The following SLC27A6 variants were observed in gnomAD, a reference collection of about 807,000 sequenced individuals.
The protein encoded by SLC27A6 is solute carrier family 27 member 6, also known as long-chain fatty acid transport protein 6.
In SLC27A6, 74 loss-of-function variants were observed where a neutral mutation model predicts 63.9. The observed-to-expected ratio is 1.16, with a 90% CI of 0.96 to 1.40. The LOEUF (loss-of-function observed/expected upper bound fraction) is 1.40. Ranked by LOEUF, SLC27A6 falls within the 40% of genes most tolerant of loss-of-function variation. SLC27A6 has a pLI of 0.00. For synonymous variants in SLC27A6, 287 were observed against 260.8 expected (o/e 1.10, Z -0.97); for missense variants, 794 against 732.9 (o/e 1.08, Z -0.96).
intron 1 of SLC27A6, among the ~76,000 whole-genome samples, chr5:128,969,174 G>C (rs1580695457): frequency 6.6e-6 from 1 of 152,304 alleles, no homozygotes; most frequent in East Asian, 1.9e-4. Flanking sequence ...TAGCCCTGTA[G>C]TATAGTTTGA....
At chr5:129,000,362 T>G (rs1452170300) in intron 4 of SLC27A6, among the ~76,000 whole-genome samples, 1 of 152,198 alleles carries the variant, frequency 6.6e-6, no homozygotes, top group Non-Finnish European at 1.5e-5. Context: ...CCTAGAATGG[T>G]GCCTGACACA....
chr5:129,008,382 G>C (rs1048871545), intron 4 of SLC27A6, among the ~76,000 whole-genome samples: 2 of 152,162 alleles, frequency 1.3e-5, no homozygotes, highest in Non-Finnish European at 2.9e-5. Context: ...AGCTTGTATA[G>C]CTATAGCCCA....
At position 129,028,409 on chromosome 5, in the gene SLC27A6, C is replaced by T. The variant is rs2150156183; in HGVS notation, c.1519C>T (p.Gln507Ter). The T allele has an allele frequency of 6.2e-7, 1 of 1,608,168 alleles. No individual in the cohort carries two copies. Among genetic ancestry groups the T allele is most frequent in the East Asian group, 2.2e-5 (1 of 44,738 alleles). Reference protein sequence around the residue: ...ADVIGMLDFIQEANVYGVAIS... With the variant: ...ADVIGMLDFI ...TGTTATTGGAATGTTGGATTTCATA[C>T]AGGAAGCAAACGTCTATGGTGTGGC... The change falls in exon 8 of 10, where the codon CAG (glutamine) becomes TAG (stop). Residue 507 changes from glutamine (Q) to a stop codon, truncating the protein, a stop_gained. Coordinates refer to ENST00000262462, the MANE Select transcript of SLC27A6 (RefSeq NM_001017372.3). LOFTEE classifies it high-confidence loss of function.
chr5:128,992,396 C>T lies in SLC27A6; in HGVS notation c.969+1932C>T, dbSNP rs182009815. 9.4e-4 allele frequency among the ~76,000 whole-genome samples: 143 copies of T among 152,312 alleles called. 1 individual carries two copies. In the East Asian group the frequency reaches 0.024, roughly 26 times the overall value. On this transcript the variant is annotated intron_variant, in intron 4 of 9. Transcript: ENST00000262462. ...AATTAATTACCCAGAGCACAGCTGACACTAGGCTGGAGGCATTTAAATAAG... is the reference window on the plus strand; with the variant it reads ...AATTAATTACCCAGAGCACAGCTGATACTAGGCTGGAGGCATTTAAATAAG...
intron 5 of SLC27A6, among the ~76,000 whole-genome samples, chr5:129,020,496 G>C (rs546664071): frequency 6.6e-6 from 1 of 152,010 alleles, no homozygotes; most frequent in Non-Finnish European, 1.5e-5. Context: ...ATGGGAGTGG[G>C]GGGGAGGAAA....
At chr5:129,002,647 A>G (rs1190950119) in intron 4 of SLC27A6, among the ~76,000 whole-genome samples, 1 of 152,086 alleles carries the variant, frequency 6.6e-6, no homozygotes, top group Non-Finnish European at 1.5e-5. Context: ...GCTCTAGGTA[A>G]TGAGGTACAG....
At chr5:128,993,932 A>G (rs986041100) in intron 4 of SLC27A6, among the ~76,000 whole-genome samples, 1 of 152,004 alleles carries the variant, frequency 6.6e-6, no homozygotes, top group African/African-American at 2.4e-5. Flanking sequence ...ATATGGGGAA[A>G]CCATCTCTAC....
At chr5:129,027,478 T>C in intron 7 of SLC27A6, 147 bp downstream of exon 7, 1 of 634,310 alleles carries the variant, frequency 1.6e-6, no homozygotes, top group Non-Finnish European at 2.8e-6. Flanking sequence ...TTATTGGCCA[T>C]CTGTTTCTAG....
chr5:128,990,337 T>G lies in SLC27A6; in HGVS notation c.845-3T>G, dbSNP rs769948797. ...TAGTGCCTGTTTTTGTCTTTTCTTA[T>G]AGGTGCCACTTGTGTGTTAAAGAAG... On this transcript the variant is annotated splice_region_variant and splice_polypyrimidine_tract_variant and intron_variant, in intron 3 of 9. Coordinates refer to ENST00000262462, the MANE Select transcript of SLC27A6 (RefSeq NM_001017372.3). 1 of 1,610,170 alleles carries G rather than the reference T, an allele frequency of 6.2e-7. No homozygotes were observed. The highest frequency in any genetic ancestry group is 2.2e-5 in the East Asian group (1 of 44,826).
intron 1 of SLC27A6, among the ~76,000 whole-genome samples, chr5:128,972,559 G>A (rs1750214874): frequency 6.6e-6 from 1 of 151,948 alleles, no homozygotes; most frequent in East Asian, 1.9e-4. Context: ...TAATCAAATT[G>A]GCTACTGAAG....
intron 1 of SLC27A6, among the ~76,000 whole-genome samples, chr5:128,967,252 G>C (rs1188488215): frequency 6.6e-6 from 1 of 151,990 alleles, no homozygotes; most frequent in Non-Finnish European, 1.5e-5. Context: ...CCCTGCCTTG[G>C]AGTTAGGACA....
chr5:129,025,144 A>G (rs1752194050), intron 6 of SLC27A6, among the ~76,000 whole-genome samples: 1 of 152,174 alleles, frequency 6.6e-6, no homozygotes, highest in Non-Finnish European at 1.5e-5. Context: ...GTTGACCCCA[A>G]ATATCTGTTT....
At chr5:129,022,957 AG>A (rs149558309) in intron 5 of SLC27A6, among the ~76,000 whole-genome samples, 15,660 of 152,154 alleles carry the variant, frequency 0.1, 897 homozygotes, top group South Asian at 0.2. Context: ...GAGTAGCTGA[AG>A]GGATGAGAGG....
At chr5:129,010,027 C>T (rs933372682) in intron 4 of SLC27A6, among the ~76,000 whole-genome samples, 10 of 152,114 alleles carry the variant, frequency 6.6e-5, no homozygotes, top group South Asian at 2.1e-4. Flanking sequence ...TTTAATAAAT[C>T]GTATTTTTTA....
rs1209698295 is a variant in SLC27A6, at chr5:129,015,624, CA to C, written c.970-252del. On this transcript the variant is annotated intron_variant, in intron 4 of 9. Coordinates refer to ENST00000262462, the MANE Select transcript of SLC27A6 (RefSeq NM_001017372.3). ...CTTTCTTCCTTACCTGACATTTACCCAAAAAAAAAGCCTTTAGTGATCTGCA... is the reference window on the plus strand; with the variant it reads ...CTTTCTTCCTTACCTGACATTTACCCAAAAAAAAGCCTTTAGTGATCTGCA... Among the ~76,000 whole-genome samples, 7 of 149,468 alleles carry C rather than the reference CA, an allele frequency of 4.7e-5. No individual in the cohort carries two copies. The South Asian group carries it at 1.1e-3, about 23-fold the overall frequency.
At chr5:128,978,081 A>G (rs1220254808) in intron 1 of SLC27A6, among the ~76,000 whole-genome samples, 1 of 152,222 alleles carries the variant, frequency 6.6e-6, no homozygotes. Flanking sequence ...ATCCAAAAAT[A>G]CACAGATATA....
At chr5:129,026,686 T>C (rs767102764) in intron 6 of SLC27A6, among the ~76,000 whole-genome samples, 1 of 152,142 alleles carries the variant, frequency 6.6e-6, no homozygotes, top group Admixed American at 6.5e-5. Flanking sequence ...AGGATTTCTA[T>C]GCAGAATAAG....
At position 128,973,589 on chromosome 5, in the gene SLC27A6, A is replaced by T. The variant is rs140704528; in HGVS notation, c.481+6971A>T. 3.8e-3 allele frequency among the ~76,000 whole-genome samples: 584 copies of T among 152,270 alleles called. 1 individual carries two copies. Among genetic ancestry groups the T allele is most frequent in the African/African-American group, 0.013 (548 of 41,560 alleles). On this transcript the variant is annotated intron_variant, in intron 1 of 9. Coordinates refer to ENST00000262462, the MANE Select transcript of SLC27A6 (RefSeq NM_001017372.3). ...TGGGACCCACCAAGCCAGGCACGGG[A>T]TATAGTTTCCTGGTGTGCTGTTTGC...
In SLC27A6 at chr5:129,010,468, G is replaced by A. The variant is rs768550768; in HGVS notation, c.970-5417G>A. 5.7e-4 allele frequency among the ~76,000 whole-genome samples: 87 copies of A among 152,240 alleles called. 1 individual carries two copies. The highest frequency in any genetic ancestry group is 3.8e-3 in the Admixed American group (58 of 15,298). On this transcript the variant is annotated intron_variant, in intron 4 of 9. Coordinates refer to ENST00000262462, the MANE Select transcript of SLC27A6 (RefSeq NM_001017372.3). ...TTATCCTGGTGGATACAATATAATC[G>A]TATCAGACTTTAAAGCAGATGATTT...
Sources: gnomAD v4.1 joint callset for allele counts (sites outside exome capture counted in the v4.1 genomes callset) on GRCh38, gnomAD v4.1.1 for gene constraint, MANE v1.5 for transcripts, NCBI Gene and HGNC (gene_info 2026-07-23, HGNC 2026-07-21) for gene names.